The following SETX variants were observed in gnomAD, a reference collection of about 807,000 sequenced individuals.
SETX encodes the protein helicase senataxin.
Under a neutral mutation model 227.2 loss-of-function variants are expected in SETX, and 90 were observed. The observed-to-expected ratio is 0.40, with a 90% CI of 0.33 to 0.47. The LOEUF (loss-of-function observed/expected upper bound fraction) is 0.47. Among genes scored for constraint, SETX ranks in the 20% least tolerant of loss-of-function variants. SETX has a pLI of 0.91. For missense variants in SETX, 3,052 were observed against 3,181.5 expected, an observed-to-expected ratio of 0.96 and a Z score of 0.98; for synonymous variants, 1,210 against 1,113.2, an observed-to-expected ratio of 1.09 and a Z score of -1.73.
intron 13 of SETX, 97 bp from the exon 14 acceptor site, chr9:132,297,151 G>T: frequency 9.8e-7 from 1 of 1,018,204 alleles, no homozygotes; most frequent in Non-Finnish European, 1.5e-6. Context: ...TTCTTTCAAT[G>T]CATGAGACAA....
intron 2 of SETX, among the ~76,000 whole-genome samples, chr9:132,350,654 T>C (rs929252707): frequency 9.9e-5 from 15 of 152,208 alleles, no homozygotes; most frequent in African/African-American, 2.9e-4. Context: ...AATTGATTTT[T>C]TAAAATTTAT....
chr9:132,271,366 C>A (rs561249455), intron 24 of SETX, among the ~76,000 whole-genome samples: 3 of 152,276 alleles, frequency 2.0e-5, no homozygotes, highest in African/African-American at 7.2e-5. Flanking sequence ...GAGTTTGAGA[C>A]CAGCCTGGGC....
intron 7 of SETX, among the ~76,000 whole-genome samples, chr9:132,333,408 A>AAAAT (rs1847380194): frequency 1.7e-4 from 12 of 72,224 alleles, no homozygotes; most frequent in Non-Finnish European, 2.4e-4. Context: ...GAAAAAAAAA[A>AAAAT]ATATATATAC....
Position 132,323,921 on chromosome 9 carries a change from A to G in SETX, c.5274+2403T>C, listed in dbSNP as rs141182029. On this transcript the variant is annotated intron_variant, in intron 10 of 25. Coordinates refer to ENST00000224140, the MANE Select transcript of SETX (RefSeq NM_015046.7). ...CCTGTCTCCAAAAAAGAAAAAAAAA[A>G]GATAAAAATGGAAAGAAATTTCCAA... 1.7e-3 allele frequency among the ~76,000 whole-genome samples: 266 copies of G among 152,184 alleles called. 4 individuals carry two copies. The highest frequency in any genetic ancestry group is 4.6e-4 in the Non-Finnish European group (31 of 68,004).
chr9:132,279,549 AT>A (rs1843374845), intron 20 of SETX, among the ~76,000 whole-genome samples: 1 of 152,248 alleles, frequency 6.6e-6, no homozygotes, highest in Non-Finnish European at 1.5e-5. Context: ...CAAAGCCTGA[AT>A]AAACTTGTTT....
intron 13 of SETX, among the ~76,000 whole-genome samples, chr9:132,297,826 T>A (rs913796961): frequency 6.6e-6 from 1 of 152,212 alleles, no homozygotes; most frequent in Non-Finnish European, 1.5e-5. Context: ...CTAATGCACA[T>A]TAAGTAGGCT....
At chr9:132,299,921 G>T (rs1424925748) in intron 12 of SETX, among the ~76,000 whole-genome samples, 1 of 151,918 alleles carries the variant, frequency 6.6e-6, no homozygotes, top group Non-Finnish European at 1.5e-5. Flanking sequence ...TGGGGGTGAG[G>T]AGTTCGAGAC....
chr9:132,322,206 A>G (rs1277351412), intron 10 of SETX, among the ~76,000 whole-genome samples: 1 of 152,142 alleles, frequency 6.6e-6, no homozygotes, highest in Non-Finnish European at 1.5e-5. Context: ...TTTTAAAGTA[A>G]TATTTTTTAA....
At chr9:132,344,224 G>GT (rs1050600855) in intron 4 of SETX, among the ~76,000 whole-genome samples, 3 of 152,124 alleles carry the variant, frequency 2.0e-5, no homozygotes, top group Non-Finnish European at 4.4e-5. Context: ...TGGTTTTTGG[G>GT]TTTTTTAGAG....
chr9:132,331,489 A>G, intron 7 of SETX, 41 bp from the exon 8 acceptor site: 2 of 1,589,574 alleles, frequency 1.3e-6, no homozygotes, highest in Non-Finnish European at 8.6e-7. Context: ...CTAAACAGTT[A>G]GAAAAACATA....
chr9:132,305,752 T>C lies in SETX; in HGVS notation c.5375-4949A>G, dbSNP rs115363008. On this transcript the variant is annotated intron_variant, in intron 11 of 25. Coordinates refer to ENST00000224140, the MANE Select transcript of SETX (RefSeq NM_015046.7). ...AAGACAGAGAGAATGAGGACCTAAGTGTCCTAGACTGAAGGAAACTAAGAA... is the reference window on the plus strand; with the variant it reads ...AAGACAGAGAGAATGAGGACCTAAGCGTCCTAGACTGAAGGAAACTAAGAA... 6.2e-3 allele frequency among the ~76,000 whole-genome samples: 944 copies of C among 152,318 alleles called. 7 individuals carry two copies. Among genetic ancestry groups the C allele is most frequent in the African/African-American group, 0.021 (874 of 41,568 alleles).
rs35649212 is a variant in SETX, at chr9:132,302,356, C to CAAAAA, written c.5375-1558_5375-1554dup. Reference sequence around the variant, plus strand: ...TGGGTGACAGAGCAAGAATCCATCTCAAAAAAAAAAAAAAAAAAAAAGGCC... The same window carrying CAAAAA: ...TGGGTGACAGAGCAAGAATCCATCTCAAAAAAAAAAAAAAAAAAAAAAAAAAGGCC... On this transcript the variant is annotated intron_variant, in intron 11 of 25. Transcript: ENST00000224140. Among the ~76,000 whole-genome samples the CAAAAA allele has an allele frequency of 4.7e-4, 13 of 27,806 alleles. 1 individual carries two copies. Among genetic ancestry groups the CAAAAA allele is most frequent in the African/African-American group, 1.8e-3 (12 of 6,738 alleles). 18.2% of individuals were successfully genotyped at this position (27,806 alleles called of 152,430 possible).
chr9:132,323,048 A>G (rs1354012362), intron 10 of SETX, among the ~76,000 whole-genome samples: 1 of 152,158 alleles, frequency 6.6e-6, no homozygotes, highest in Non-Finnish European at 1.5e-5. Flanking sequence ...AAGATTAAAG[A>G]AATTCTAAGA....
At chr9:132,301,501 G>C (rs1844994612) in intron 11 of SETX, among the ~76,000 whole-genome samples, 1 of 152,120 alleles carries the variant, frequency 6.6e-6, no homozygotes, top group Non-Finnish European at 1.5e-5. Context: ...TGTGGTCAGT[G>C]ATGGACCGGA....
At chr9:132,272,503 C>G (rs777070769) in intron 23 of SETX, among the ~76,000 whole-genome samples, 4 of 151,030 alleles carry the variant, frequency 2.6e-5, no homozygotes, top group Non-Finnish European at 5.9e-5. Context: ...GAGAGAGAGA[C>G]AGAGTCTCAC....
chr9:132,288,531 T>TG lies in SETX; in HGVS notation c.6208+18_6208+19insC. On this transcript the variant is annotated intron_variant, in intron 16 of 25. Transcript: ENST00000224140. ...ACAAAACAGAGAAAACACTAGTATA[T>TG]ACCACATTCAGTACTTACTCATTCT... 1 of 1,569,566 alleles carries TG rather than the reference T, an allele frequency of 6.4e-7. No individual in the cohort carries two copies. The highest frequency in any genetic ancestry group is 8.8e-7 in the Non-Finnish European group (1 of 1,139,604).
chr9:132,290,841 T>A (rs995529856), intron 15 of SETX, among the ~76,000 whole-genome samples: 4 of 107,966 alleles, frequency 3.7e-5, no homozygotes, highest in African/African-American at 5.3e-5. Flanking sequence ...ACCAGTTTCA[T>A]AAATAAATAA....
At chr9:132,319,508 C>T (rs1846197798) in intron 10 of SETX, among the ~76,000 whole-genome samples, 1 of 152,116 alleles carries the variant, frequency 6.6e-6, no homozygotes, top group South Asian at 2.1e-4. Context: ...TTCTCTTTAC[C>T]CCTTATCAGC....
Position 132,264,328 on chromosome 9 carries a change from C to T in SETX, c.7945G>A (p.Glu2649Lys), listed in dbSNP as rs1468917148. Residue 2649 changes from glutamate to lysine, a missense_variant, in exon 26 of 26, where the codon GAG becomes AAG. By Grantham distance (56) the Glu-to-Lys change is moderately conservative. This residue lies in a region of SETX where 294 missense variants were observed against 278.8 expected (regional missense o/e 1.05). Coordinates refer to ENST00000224140, the MANE Select transcript of SETX (RefSeq NM_015046.7). ...GAGTTCCTCCTGGTGTGATGGGTCT[C>T]GGAACCACACTTCTCCTGCTCCCCT... is the stretch of plus-strand genomic sequence containing the variant. ...SEGEQEKCGS[E>K]THHTRRNSRW... 1 of 1,614,164 alleles carries T rather than the reference C, an allele frequency of 6.2e-7. No homozygotes were observed. The highest frequency in any genetic ancestry group is 8.5e-7 in the Non-Finnish European group (1 of 1,180,034).
Sources: gnomAD v4.1 joint callset for allele counts (sites outside exome capture counted in the v4.1 genomes callset) on GRCh38, gnomAD v4.1.1 for gene constraint, gnomAD v4.1.1 regional missense constraint, MANE v1.5 for transcripts, NCBI Gene and HGNC (gene_info 2026-07-23, HGNC 2026-07-21) for gene names.